Variants in MPPED2 observed in about 807,000 individuals in gnomAD.
The protein encoded by MPPED2 is metallophosphoesterase MPPED2.
In MPPED2, 5 loss-of-function variants were observed where a neutral mutation model predicts 33.0. The observed-to-expected ratio is 0.15, with a 90% CI of 0.08 to 0.32. The LOEUF is 0.32. Ranked by LOEUF, MPPED2 falls within the 10% of genes least tolerant of loss-of-function variation. The probability of loss-of-function intolerance (pLI) is 1.00; values close to 1 mark genes in which losing one functional copy is unlikely to be tolerated. For synonymous variants in MPPED2, 136 were observed against 141.9 expected (o/e 0.96, Z 0.29); for missense variants, 275 against 372.1 (o/e 0.74, Z 2.15).
chr11:30,415,977 A>G (rs921640714), intron 5 of MPPED2, among the ~76,000 whole-genome samples: 4 of 152,264 alleles, frequency 2.6e-5, no homozygotes, highest in Non-Finnish European at 4.4e-5. Flanking sequence ...GGTAGCTGAA[A>G]TGATAACTCT....
intron 4 of MPPED2, among the ~76,000 whole-genome samples, chr11:30,430,326 T>C (rs1209411865): frequency 6.6e-6 from 1 of 152,208 alleles, no homozygotes; most frequent in East Asian, 1.9e-4. Context: ...ACACATCATA[T>C]TTTGGATGCT....
chr11:30,435,069 G>A (rs1379761410), intron 4 of MPPED2, among the ~76,000 whole-genome samples: 1 of 152,158 alleles, frequency 6.6e-6, no homozygotes, highest in Non-Finnish European at 1.5e-5. Flanking sequence ...AGTTAAACCA[G>A]AATTAGCATA....
chr11:30,488,163 T>C (rs1161546990), intron 4 of MPPED2, among the ~76,000 whole-genome samples: 3 of 152,212 alleles, frequency 2.0e-5, no homozygotes, highest in Non-Finnish European at 4.4e-5. Flanking sequence ...TGAACAGCAG[T>C]TGACATATAA....
intron 2 of MPPED2, among the ~76,000 whole-genome samples, chr11:30,576,095 T>A (rs1417515008): frequency 6.6e-6 from 1 of 152,234 alleles, no homozygotes; most frequent in Non-Finnish European, 1.5e-5. Flanking sequence ...TATGTATGTA[T>A]AAGCATTAAC....
chr11:30,520,520 T>A (rs1045905086), intron 3 of MPPED2, among the ~76,000 whole-genome samples: 10 of 152,234 alleles, frequency 6.6e-5, no homozygotes, highest in Non-Finnish European at 1.3e-4. Context: ...TTTCACTTTT[T>A]ATTACCTATC....
At chr11:30,474,035 C>T (rs1034887345) in intron 4 of MPPED2, among the ~76,000 whole-genome samples, 3 of 152,222 alleles carry the variant, frequency 2.0e-5, no homozygotes, top group Non-Finnish European at 4.4e-5. Context: ...CACCTTGGTT[C>T]CTGACCCACA....
chr11:30,543,731 C>CA (rs1205156149), intron 2 of MPPED2, among the ~76,000 whole-genome samples: 1 of 140,866 alleles, frequency 7.1e-6, no homozygotes, highest in Non-Finnish European at 1.5e-5. Context: ...CCAGTTATAA[C>CA]AAAAAAACAA....
At chr11:30,549,149 G>A (rs191497819) in intron 2 of MPPED2, among the ~76,000 whole-genome samples, 90 of 152,228 alleles carry the variant, frequency 5.9e-4, no homozygotes, top group Middle Eastern at 3.4e-3. Flanking sequence ...CAGTGTGTAC[G>A]CATATGCATC....
intron 4 of MPPED2, chr11:30,451,796 G>T (rs776888947): frequency 2.0e-6 from 2 of 985,234 alleles, no homozygotes; most frequent in East Asian, 2.3e-4. Flanking sequence ...AGGTGTCTGC[G>T]AATGACTGCA....
intron 4 of MPPED2, among the ~76,000 whole-genome samples, chr11:30,471,559 T>G (rs1950945666): frequency 6.6e-6 from 1 of 152,238 alleles, no homozygotes; most frequent in Non-Finnish European, 1.5e-5. Context: ...AATTGGGTGC[T>G]CATCATGTCT....
chr11:30,500,999 T>C (rs1157655560), intron 3 of MPPED2, among the ~76,000 whole-genome samples: 1 of 152,208 alleles, frequency 6.6e-6, no homozygotes, highest in Non-Finnish European at 1.5e-5. Context: ...CAACATCCAG[T>C]CTAGCCGACT....
At chr11:30,525,152 G>C (rs986020551) in intron 3 of MPPED2, among the ~76,000 whole-genome samples, 1 of 152,112 alleles carries the variant, frequency 6.6e-6, no homozygotes, top group East Asian at 1.9e-4. Context: ...TACAAAATGG[G>C]GAAAAAATAA....
intron 4 of MPPED2, among the ~76,000 whole-genome samples, chr11:30,468,260 T>A (rs201242365): frequency 0.07 from 4,119 of 59,108 alleles, 177 homozygotes; most frequent in African/African-American, 0.14. Flanking sequence ...ACACACACTC[T>A]CTCTCTCTCT....
chr11:30,505,583 T>C (rs1372490100), intron 3 of MPPED2, among the ~76,000 whole-genome samples: 2 of 152,232 alleles, frequency 1.3e-5, no homozygotes, highest in Non-Finnish European at 2.9e-5. Context: ...TCTTGGCTTA[T>C]AAAGAAAGAT....
At chr11:30,424,077 C>T (rs1219932442) in intron 4 of MPPED2, among the ~76,000 whole-genome samples, 4 of 152,220 alleles carry the variant, frequency 2.6e-5, no homozygotes, top group Non-Finnish European at 5.9e-5. Flanking sequence ...CTCAGTCTTG[C>T]ATGGACAATC....
chr11:30,427,112 G>A (rs1035132042), intron 4 of MPPED2, among the ~76,000 whole-genome samples: 8 of 152,268 alleles, frequency 5.3e-5, no homozygotes, highest in East Asian at 1.9e-4. Context: ...GACATGTCAC[G>A]GCAACCAGGC....
chr11:30,472,253 T>C (rs924652978), intron 4 of MPPED2, among the ~76,000 whole-genome samples: 1 of 151,952 alleles, frequency 6.6e-6, no homozygotes, highest in African/African-American at 2.4e-5. Flanking sequence ...CTCAACTACT[T>C]GGGGGTCTGA....
intron 3 of MPPED2, among the ~76,000 whole-genome samples, chr11:30,524,993 C>T (rs1954087934): frequency 6.6e-6 from 1 of 152,058 alleles, no homozygotes; most frequent in Admixed American, 6.5e-5. Context: ...GAATAATCTC[C>T]TAGGTTTTGA....
chr11:30,421,376 C>T (rs1948603151), intron 4 of MPPED2, among the ~76,000 whole-genome samples: 1 of 151,922 alleles, frequency 6.6e-6, no homozygotes, highest in African/African-American at 2.4e-5. Flanking sequence ...GTGACAAAAT[C>T]CAGAAGTTTC....
Sources: gnomAD v4.1 joint callset for allele counts (sites outside exome capture counted in the v4.1 genomes callset) on GRCh38, gnomAD v4.1.1 for gene constraint, MANE v1.5 for transcripts, NCBI Gene and HGNC (gene_info 2026-07-23, HGNC 2026-07-21) for gene names.